The following MAGI2 variants were observed in gnomAD, a reference collection of about 807,000 sequenced individuals.
MAGI2 encodes the protein membrane associated guanylate kinase, WW and PDZ domain containing 2.
Under a neutral mutation model 133.3 loss-of-function variants are expected in MAGI2, and 35 were observed. The observed-to-expected ratio is 0.26, with a 90% CI of 0.20 to 0.35. The LOEUF is 0.35. MAGI2 is among the 10% of genes least tolerant of loss of function. The pLI, the probability that MAGI2 is intolerant of heterozygous loss-of-function variation, is 1.00. For missense variants in MAGI2, 1,636 were observed against 1,863.4 expected (o/e 0.88, Z 2.25); for synonymous variants, 729 against 710.6 (o/e 1.03, Z -0.41).
Position 78,225,107 on chromosome 7 carries a change from C to T in MAGI2, c.2048-23914G>A, listed in dbSNP as rs148213757. Among the ~76,000 whole-genome samples the T allele has an allele frequency of 1.5e-3, 233 of 152,246 alleles. 1 individual carries two copies. Among genetic ancestry groups the T allele is most frequent in the South Asian group, 5.8e-3 (28 of 4,816 alleles). On this transcript the variant is annotated intron_variant, in intron 10 of 21. Transcript: ENST00000354212. Reference sequence around the variant, plus strand: ...TTCCCTGGAGTCTTTCTTTGGGATACTGCACAAACTGCTGTAAGACCCAAG... The same window carrying T: ...TTCCCTGGAGTCTTTCTTTGGGATATTGCACAAACTGCTGTAAGACCCAAG...
chr7:79,214,283 T>C (rs1239857028), intron 1 of MAGI2, among the ~76,000 whole-genome samples: 1 of 149,756 alleles, frequency 6.7e-6, no homozygotes, highest in African/African-American at 2.5e-5. Context: ...TGATGGGCAG[T>C]TTCACTGCCA....
chr7:78,204,460 G>C (rs938460594), intron 10 of MAGI2, among the ~76,000 whole-genome samples: 5 of 152,026 alleles, frequency 3.3e-5, no homozygotes, highest in African/African-American at 1.2e-4. Context: ...TCTGAGTTGA[G>C]GTAGTCTTCA....
intron 2 of MAGI2, among the ~76,000 whole-genome samples, chr7:78,638,756 A>C (rs1455208798): frequency 6.6e-6 from 1 of 152,224 alleles, no homozygotes; most frequent in Non-Finnish European, 1.5e-5. Flanking sequence ...GGAAGAAGAC[A>C]AATGACCCTT....
At chr7:78,501,552 G>A (rs1170199581) in intron 5 of MAGI2, 25 bp downstream of exon 5, 1 of 1,595,452 alleles carries the variant, frequency 6.3e-7, no homozygotes, top group Admixed American at 1.7e-5. Context: ...TTTTGGCACT[G>A]TTGAAAGAAA....
intron 2 of MAGI2, among the ~76,000 whole-genome samples, chr7:78,826,750 C>T (rs1482276878): frequency 6.6e-6 from 1 of 152,092 alleles, no homozygotes; most frequent in Non-Finnish European, 1.5e-5. Context: ...GAAACAGCCT[C>T]ACTGACGGAG....
In MAGI2 at chr7:78,781,572, A is replaced by T. The variant is rs558782760; in HGVS notation, c.419-154333T>A. Among the ~76,000 whole-genome samples, 70 of 152,246 alleles carry T rather than the reference A, an allele frequency of 4.6e-4. 2 individuals are homozygous for T. Among genetic ancestry groups the T allele is most frequent in the Middle Eastern group, 6.8e-3 (2 of 294 alleles). On this transcript the variant is annotated intron_variant, in intron 2 of 21. Coordinates refer to ENST00000354212, the MANE Select transcript of MAGI2 (RefSeq NM_012301.4). ...TATTGAGGGAGAAAATGGGAACTAA[A>T]TTGAGGAACAACTTCCCTCTTCAAG...
At chr7:79,256,295 G>A (rs1392837561) in intron 1 of MAGI2, among the ~76,000 whole-genome samples, 4 of 152,188 alleles carry the variant, frequency 2.6e-5, no homozygotes, top group South Asian at 2.1e-4. Context: ...TTTTAGAAAC[G>A]AGTTTCCATC....
Position 78,086,053 on chromosome 7 carries a change from G to T in MAGI2, c.3568-6968C>A, listed in dbSNP as rs115557930. Among the ~76,000 whole-genome samples, 952 of 152,220 alleles carry T rather than the reference G, an allele frequency of 6.3e-3. 10 individuals carry two copies. The highest frequency in any genetic ancestry group is 0.021 in the African/African-American group (884 of 41,530). ...TGTGAAAATATAAGTAAAATTGGAA[G>T]ATGACACAGTATCCCTACTGTGGAA... is the stretch of plus-strand genomic sequence containing the variant. On this transcript the variant is annotated intron_variant, in intron 20 of 21. Transcript: ENST00000354212.
chr7:78,592,099 T>C (rs78246562), intron 3 of MAGI2, among the ~76,000 whole-genome samples: 6,347 of 152,250 alleles, frequency 0.042, 166 homozygotes, highest in Middle Eastern at 0.075. Flanking sequence ...ATCTCACTAA[T>C]AGGGGTTCCA....
intron 6 of MAGI2, among the ~76,000 whole-genome samples, chr7:78,401,459 GTCTCTCTCCCCCTC>G (rs1230150953): frequency 7.4e-6 from 1 of 135,860 alleles, no homozygotes; most frequent in Non-Finnish European, 1.6e-5. Context: ...TCCTCTCTCT[GTCTCTCTCCCCCTC>G]TCTCTCTCAT....
intron 9 of MAGI2, among the ~76,000 whole-genome samples, chr7:78,324,677 C>T (rs966645662): frequency 1.3e-5 from 2 of 152,114 alleles, no homozygotes; most frequent in Non-Finnish European, 2.9e-5. Flanking sequence ...AATAATGAAT[C>T]TGCCCAGGTG....
chr7:78,591,290 A>T (rs1274126349), intron 3 of MAGI2, among the ~76,000 whole-genome samples: 1 of 152,226 alleles, frequency 6.6e-6, no homozygotes, highest in African/African-American at 2.4e-5. Flanking sequence ...TGAGAAAGCC[A>T]CAAGGGATTA....
At chr7:78,212,435 G>T (rs1787859623) in intron 10 of MAGI2, among the ~76,000 whole-genome samples, 1 of 152,092 alleles carries the variant, frequency 6.6e-6, no homozygotes, top group Non-Finnish European at 1.5e-5. Flanking sequence ...GCGTGAGGAG[G>T]CTCTGACTTG....
chr7:79,174,880 A>G (rs753061032), intron 1 of MAGI2, among the ~76,000 whole-genome samples: 3 of 151,926 alleles, frequency 2.0e-5, no homozygotes, highest in Non-Finnish European at 4.4e-5. Context: ...GAACTATTGG[A>G]AAAGATATAA....
intron 1 of MAGI2, among the ~76,000 whole-genome samples, chr7:79,345,948 C>A (rs540782939): frequency 6.6e-6 from 1 of 151,972 alleles, no homozygotes; most frequent in Non-Finnish European, 1.5e-5. Flanking sequence ...AAAAATATTA[C>A]CAAATGATCT....
intron 2 of MAGI2, among the ~76,000 whole-genome samples, chr7:78,875,251 T>G (rs2151530612): frequency 6.6e-6 from 1 of 152,304 alleles, no homozygotes; most frequent in East Asian, 1.9e-4. Flanking sequence ...TTAACTCCTT[T>G]ATTGATTGGG....
intron 2 of MAGI2, among the ~76,000 whole-genome samples, chr7:78,918,385 G>T (rs1024105883): frequency 6.6e-6 from 1 of 152,004 alleles, no homozygotes; most frequent in Admixed American, 6.6e-5. Context: ...TTTAGTCTTG[G>T]CCTGAACAAA....
chr7:78,613,983 G>T (rs1806773048), intron 3 of MAGI2, among the ~76,000 whole-genome samples: 1 of 151,976 alleles, frequency 6.6e-6, no homozygotes, highest in Non-Finnish European at 1.5e-5. Context: ...GGTGGTGCAT[G>T]CCTGTAATCC....
intron 2 of MAGI2, among the ~76,000 whole-genome samples, chr7:78,955,733 CTTTCTT>C (rs1562712896): frequency 0.036 from 1,788 of 49,172 alleles, 70 homozygotes; most frequent in Admixed American, 0.094. Flanking sequence ...CTCTTTCTTT[CTTTCTT>C]TCTTTCTTTC....
Sources: allele counts gnomAD v4.1 joint callset (sites outside exome capture counted in the v4.1 genomes callset), GRCh38; gene constraint gnomAD v4.1.1; transcripts MANE v1.5; gene names NCBI Gene and HGNC (gene_info 2026-07-23, HGNC 2026-07-21).